The following TRERF1 variants were observed in gnomAD, a reference collection of about 807,000 sequenced individuals.
TRERF1 encodes transcriptional regulating factor 1, also known as transcriptional-regulating factor 1.
A neutral mutation model predicts 122.9 loss-of-function variants in TRERF1; 27 were observed. The observed-to-expected ratio is 0.22, with a 90% CI of 0.16 to 0.30. TRERF1 has a LOEUF of 0.30. Among genes scored for constraint, TRERF1 ranks in the 10% least tolerant of loss-of-function variants. The probability of loss-of-function intolerance (pLI) is 1.00; values close to 1 mark genes in which losing one functional copy is unlikely to be tolerated. For missense variants in TRERF1, 1,248 were observed against 1,560.3 expected, an observed-to-expected ratio of 0.80 and a Z score of 3.37; for synonymous variants, 636 against 641.7, an observed-to-expected ratio of 0.99 and a Z score of 0.13.
intron 2 of TRERF1, among the ~76,000 whole-genome samples, chr6:42,404,617 C>A (rs544135335): frequency 6.6e-6 from 1 of 152,218 alleles, no homozygotes; most frequent in African/African-American, 2.4e-5. Flanking sequence ...CAGGCCTTAA[C>A]CCTGTCAGGA....
chr6:42,434,142 GA>G (rs904658112), intron 2 of TRERF1, among the ~76,000 whole-genome samples: 1 of 152,160 alleles, frequency 6.6e-6, no homozygotes, highest in African/African-American at 2.4e-5. Context: ...TAAAGGCACA[GA>G]AAATACAGAA....
At chr6:42,292,666 C>T (rs1463994271) in intron 4 of TRERF1, among the ~76,000 whole-genome samples, 2 of 152,154 alleles carry the variant, frequency 1.3e-5, no homozygotes, top group Admixed American at 1.3e-4. Context: ...TTTGGTGTTA[C>T]TGGTAACGAA....
At chr6:42,297,855 A>T (rs913242222) in intron 4 of TRERF1, among the ~76,000 whole-genome samples, 1 of 152,240 alleles carries the variant, frequency 6.6e-6, no homozygotes, top group Admixed American at 6.5e-5. Context: ...ACAAGGCATT[A>T]TGAATACCAG....
intron 8 of TRERF1, among the ~76,000 whole-genome samples, chr6:42,260,005 C>A (rs1777538716): frequency 1.3e-5 from 2 of 152,060 alleles, no homozygotes; most frequent in Non-Finnish European, 2.9e-5. Flanking sequence ...AATTCAAATT[C>A]TTTATTGCTT....
chr6:42,423,543 A>C (rs940987921), intron 2 of TRERF1, among the ~76,000 whole-genome samples: 1 of 152,188 alleles, frequency 6.6e-6, no homozygotes, highest in African/African-American at 2.4e-5. Context: ...GAGATCTCCC[A>C]GCACCACCTT....
At chr6:42,294,069 T>G (rs2150172586) in intron 4 of TRERF1, among the ~76,000 whole-genome samples, 1 of 152,188 alleles carries the variant, frequency 6.6e-6, no homozygotes, top group African/African-American at 2.4e-5. Context: ...ATGCTAGAAG[T>G]CAGGATGTCT....
intron 16 of TRERF1, among the ~76,000 whole-genome samples, chr6:42,235,274 G>A (rs1771849134): frequency 6.6e-6 from 1 of 152,090 alleles, no homozygotes; most frequent in African/African-American, 2.4e-5. Context: ...AAGGAAAATG[G>A]GCTTCCTCTG....
intron 3 of TRERF1, among the ~76,000 whole-genome samples, chr6:42,305,995 CTTTTTTTT>C (rs55700516): frequency 1.7e-4 from 12 of 69,460 alleles, no homozygotes; most frequent in Non-Finnish European, 2.7e-4. Context: ...AATATCTCTC[CTTTTTTTT>C]TTTTTTTTTT....
At chr6:42,353,799 A>G (rs1360108934) in intron 3 of TRERF1, among the ~76,000 whole-genome samples, 1 of 152,206 alleles carries the variant, frequency 6.6e-6, no homozygotes, top group South Asian at 2.1e-4. Flanking sequence ...CAAGTAGTAT[A>G]ATTTCTTTAT....
At chr6:42,373,607 C>T (rs930326565) in intron 2 of TRERF1, among the ~76,000 whole-genome samples, 1 of 152,096 alleles carries the variant, frequency 6.6e-6, no homozygotes, top group African/African-American at 2.4e-5. Context: ...GCGGAGCTTG[C>T]AGTGAGCCGA....
chr6:42,367,700 C>G (rs551371365), intron 2 of TRERF1, among the ~76,000 whole-genome samples: 41 of 152,288 alleles, frequency 2.7e-4, no homozygotes, highest in African/African-American at 9.4e-4. Context: ...CTGCTCACCC[C>G]CTCCTGCTCT....
chr6:42,413,658 GA>G (rs1781436525), intron 2 of TRERF1, among the ~76,000 whole-genome samples: 1 of 151,966 alleles, frequency 6.6e-6, no homozygotes, highest in Non-Finnish European at 1.5e-5. Context: ...TTGATCTCTT[GA>G]CCTCGTGATC....
chr6:42,367,858 G>A (rs866929657), intron 2 of TRERF1, among the ~76,000 whole-genome samples: 6 of 152,046 alleles, frequency 3.9e-5, no homozygotes, highest in African/African-American at 1.4e-4. Context: ...CAGAGGTCCC[G>A]CAGAGCTCCC....
intron 4 of TRERF1, among the ~76,000 whole-genome samples, chr6:42,270,911 T>C (rs1335325920): frequency 6.6e-6 from 1 of 151,504 alleles, no homozygotes; most frequent in African/African-American, 2.4e-5. Context: ...TAGCTGGGAC[T>C]ACAGGTGCCC....
rs556847155 is a variant in TRERF1 at position 42,309,986 on chromosome 6, A to G, written c.-370-9237T>C. 4.6e-5 allele frequency among the ~76,000 whole-genome samples: 7 copies of G among 152,058 alleles called. No individual in the cohort carries two copies. In the South Asian group the frequency reaches 6.2e-4, roughly 14 times the overall value. ...GCCATGTTGCCCAGGCTAGTCTCCA[A>G]CTCCTAGGCTGAAGCAATCTGCCTG... On this transcript the variant is annotated intron_variant, in intron 3 of 17. Transcript: ENST00000372922.
intron 2 of TRERF1, among the ~76,000 whole-genome samples, chr6:42,447,233 C>T (rs567767965): frequency 8.5e-5 from 13 of 152,196 alleles, no homozygotes; most frequent in Non-Finnish European, 1.5e-4. Flanking sequence ...AACCAAATTA[C>T]TACAAGCAGC....
chr6:42,355,707 C>T (rs1770406360), intron 3 of TRERF1, among the ~76,000 whole-genome samples: 1 of 152,148 alleles, frequency 6.6e-6, no homozygotes, highest in Admixed American at 6.5e-5. Flanking sequence ...GTGTGTGTGT[C>T]CACGTGGACA....
intron 2 of TRERF1, among the ~76,000 whole-genome samples, chr6:42,373,363 T>C (rs1009079720): frequency 6.6e-6 from 1 of 152,066 alleles, no homozygotes; most frequent in Non-Finnish European, 1.5e-5. Context: ...AGAAATCCTG[T>C]CTCTACTAAA....
At chr6:42,299,998 A>G (rs1190634911) in intron 4 of TRERF1, among the ~76,000 whole-genome samples, 1 of 152,278 alleles carries the variant, frequency 6.6e-6, no homozygotes, top group East Asian at 1.9e-4. Context: ...ACGAGAGGAC[A>G]AGGTGACTGG....
Sources: gnomAD v4.1 joint callset for allele counts (sites outside exome capture counted in the v4.1 genomes callset) on GRCh38, gnomAD v4.1.1 for gene constraint, MANE v1.5 for transcripts, NCBI Gene and HGNC (gene_info 2026-07-23, HGNC 2026-07-21) for gene names.